The following NLGN1 variants were observed in gnomAD, a reference collection of about 807,000 sequenced individuals.
NLGN1 encodes the protein neuroligin-1.
A neutral mutation model predicts 65.5 loss-of-function variants in NLGN1; 12 were observed. The ratio of observed to expected loss-of-function variants is 0.18; its 90% CI spans 0.12 to 0.30. The LOEUF is 0.30. NLGN1 is among the 10% of genes least tolerant of loss of function. The probability of loss-of-function intolerance (pLI) is 1.00; values close to 1 mark genes in which losing one functional copy is unlikely to be tolerated. For synonymous variants in NLGN1, 350 were observed against 359.5 expected, an observed-to-expected ratio of 0.97 and a Z score of 0.30; for missense variants, 750 against 1,007.1, an observed-to-expected ratio of 0.74 and a Z score of 3.46.
At chr3:173,725,350 C>G (rs2150026139) in intron 3 of NLGN1, among the ~76,000 whole-genome samples, 1 of 152,098 alleles carries the variant, frequency 6.6e-6, no homozygotes, top group African/African-American at 2.4e-5. Flanking sequence ...ACTACATGTT[C>G]CTAAGATTAA....
intron 3 of NLGN1, among the ~76,000 whole-genome samples, chr3:173,705,490 C>G (rs1767911781): frequency 6.6e-6 from 1 of 152,114 alleles, no homozygotes; most frequent in Non-Finnish European, 1.5e-5. Context: ...ATACACATTG[C>G]TGCTTTGAAA....
intron 4 of NLGN1, among the ~76,000 whole-genome samples, chr3:174,234,691 G>T (rs1741338058): frequency 6.6e-6 from 1 of 152,122 alleles, no homozygotes; most frequent in Non-Finnish European, 1.5e-5. Flanking sequence ...CCTGATGGTT[G>T]CCTGACATTC....
At position 174,280,395 on chromosome 3, in the gene NLGN1, TATTTA is replaced by T; in HGVS notation, c.1650-82_1650-78del. On this transcript the variant is annotated intron_variant, in intron 6 of 6. Coordinates refer to ENST00000457714, the Ensembl canonical transcript of NLGN1. This position sits in a 1 kb window ranked among gnomAD's most constrained non-coding sequence, Gnocchi z 4.9. ...CAATCTAAAGCATTGCTGAGTCATC[TATTTA>T]ATTATTAGATGTTAAAGTAGTGTGA... 2 of 884,824 alleles carry T rather than the reference TATTTA, an allele frequency of 2.3e-6. No individual in the cohort carries two copies. Among genetic ancestry groups the T allele is most frequent in the South Asian group, 3.5e-5 (2 of 56,430 alleles). The allele number at this position is 884,824 out of a possible 1,614,324, so 54.8% of individuals were successfully genotyped here.
intron 4 of NLGN1, among the ~76,000 whole-genome samples, chr3:174,229,662 C>A (rs147666635): frequency 2.3e-4 from 35 of 152,266 alleles, no homozygotes; most frequent in African/African-American, 7.9e-4. Context: ...TGCTCAACTT[C>A]CTTAAAACAT....
chr3:173,839,484 G>A (rs1174150874), intron 4 of NLGN1, among the ~76,000 whole-genome samples: 2 of 151,260 alleles, frequency 1.3e-5, no homozygotes, highest in African/African-American at 4.9e-5. Flanking sequence ...GTGCAGTGGC[G>A]TGACCTCAGC....
intron 2 of NLGN1, among the ~76,000 whole-genome samples, chr3:173,490,345 T>C (rs948295134): frequency 1.2e-4 from 18 of 152,176 alleles, no homozygotes; most frequent in Admixed American, 8.5e-4. Context: ...ATTTATTAAA[T>C]AGGGAATCCT....
At chr3:174,248,004 C>T (rs1383129008) in intron 4 of NLGN1, among the ~76,000 whole-genome samples, 1 of 152,210 alleles carries the variant, frequency 6.6e-6, no homozygotes, top group Non-Finnish European at 1.5e-5. Context: ...ATGACTAATT[C>T]ATTCATATTG....
intron 3 of NLGN1, among the ~76,000 whole-genome samples, chr3:173,768,507 T>C (rs1434169420): frequency 6.6e-6 from 1 of 152,186 alleles, no homozygotes; most frequent in Non-Finnish European, 1.5e-5. Flanking sequence ...CTTTCATAAA[T>C]GCCCAAACTC....
intron 4 of NLGN1, among the ~76,000 whole-genome samples, chr3:174,231,671 A>G (rs961992293): frequency 6.6e-6 from 1 of 152,104 alleles, no homozygotes; most frequent in Non-Finnish European, 1.5e-5. Flanking sequence ...CCAAATCTGA[A>G]TGTCCCTGGG....
Position 174,184,859 on chromosome 3 carries a change from A to G in NLGN1, c.647-90456A>G, listed in dbSNP as rs1362961. 3.6e-3 allele frequency among the ~76,000 whole-genome samples: 553 copies of G among 152,272 alleles called. 3 individuals are homozygous for G. The highest frequency in any genetic ancestry group is 0.012 in the African/African-American group (504 of 41,560). The stretch of plus-strand genomic sequence containing the variant: ...CCAGACATGGTCTCATGAGTTGGGG[A>G]TGGAAAGATTAAAAAGATGTCCAAA... On this transcript the variant is annotated intron_variant, in intron 4 of 6. Transcript: ENST00000457714.
chr3:174,191,497 C>A (rs562695085), intron 4 of NLGN1, among the ~76,000 whole-genome samples: 1 of 152,116 alleles, frequency 6.6e-6, no homozygotes, highest in African/African-American at 2.4e-5. Flanking sequence ...TGTCTCTTAA[C>A]GGAGATCAAA....
At chr3:174,092,616 C>A (rs1373202358) in intron 4 of NLGN1, among the ~76,000 whole-genome samples, 1 of 151,282 alleles carries the variant, frequency 6.6e-6, no homozygotes, top group Non-Finnish European at 1.5e-5. Flanking sequence ...TATAACGTTT[C>A]TCTTATTATT....
At chr3:173,638,739 T>A (rs182006473) in intron 3 of NLGN1, among the ~76,000 whole-genome samples, 81 of 152,324 alleles carry the variant, frequency 5.3e-4, no homozygotes, top group African/African-American at 1.9e-3. Context: ...ATATCAATTT[T>A]AAAAATATGG....
intron 3 of NLGN1, among the ~76,000 whole-genome samples, chr3:173,628,972 G>A (rs1195896897): frequency 6.9e-6 from 1 of 144,380 alleles, no homozygotes; most frequent in South Asian, 2.3e-4. Context: ...GGGATTACAC[G>A]CTGAATATAA....
chr3:173,667,001 T>G (rs1416165519), intron 3 of NLGN1, among the ~76,000 whole-genome samples: 1 of 152,118 alleles, frequency 6.6e-6, no homozygotes, highest in Non-Finnish European at 1.5e-5. Context: ...ACATAAAATA[T>G]AAAAAGTAAA....
intron 2 of NLGN1, among the ~76,000 whole-genome samples, chr3:173,507,824 G>A (rs1456173248): frequency 1.3e-5 from 2 of 152,082 alleles, no homozygotes; most frequent in African/African-American, 2.4e-5. Flanking sequence ...TTGGTATTAG[G>A]GAAGACATTG....
chr3:174,147,190 C>T (rs1455830073), intron 4 of NLGN1, among the ~76,000 whole-genome samples: 1 of 152,028 alleles, frequency 6.6e-6, no homozygotes, highest in Non-Finnish European at 1.5e-5. Flanking sequence ...CTAGATTACC[C>T]AGGTGAACTA....
intron 3 of NLGN1, among the ~76,000 whole-genome samples, chr3:173,649,461 A>C (rs754187589): frequency 4.6e-5 from 7 of 152,146 alleles, no homozygotes; most frequent in Non-Finnish European, 8.8e-5. Context: ...CATATTTTAA[A>C]TATGCGCAAT....
At chr3:173,522,363 CACTTAGAT>C (rs1391786297) in intron 2 of NLGN1, among the ~76,000 whole-genome samples, 9 of 152,312 alleles carry the variant, frequency 5.9e-5, no homozygotes, top group African/African-American at 1.2e-4. Flanking sequence ...CACTGATGGA[CACTTAGAT>C]ACTTAGATTG....
Sources: gnomAD v4.1 joint callset for allele counts (sites outside exome capture counted in the v4.1 genomes callset) on GRCh38, gnomAD v4.1.1 for gene constraint, Gnocchi (gnomAD v3.1) non-coding constraint, MANE v1.5 for transcripts, NCBI Gene and HGNC (gene_info 2026-07-23, HGNC 2026-07-21) for gene names.